The following PSTPIP1 variants were observed in gnomAD, a reference collection of about 807,000 sequenced individuals.
PSTPIP1 encodes the protein proline-serine-threonine phosphatase interacting protein 1.
A neutral mutation model predicts 69.6 loss-of-function variants in PSTPIP1; 66 were observed. The ratio of observed to expected loss-of-function variants is 0.95; its 90% CI spans 0.78 to 1.16. The LOEUF (loss-of-function observed/expected upper bound fraction) is 1.16. PSTPIP1 is among the 50% of genes most tolerant of loss of function. The pLI is 0.00. For synonymous variants in PSTPIP1, 266 were observed against 222.7 expected, an observed-to-expected ratio of 1.19 and a Z score of -1.73; for missense variants, 603 against 557.4, an observed-to-expected ratio of 1.08 and a Z score of -0.82.
At chr15:77,007,063 G>A (rs1568487465) in intron 1 of PSTPIP1, among the ~76,000 whole-genome samples, 1 of 152,182 alleles carries the variant, frequency 6.6e-6, no homozygotes, top group Admixed American at 6.5e-5. Context: ...CCCTGGGCAT[G>A]TGTAGGGAGA....
chr15:77,030,436 C>T, intron 8 of PSTPIP1, 66 bp from the exon 9 acceptor site: 1 of 1,524,484 alleles, frequency 6.6e-7, no homozygotes, highest in Non-Finnish European at 9.0e-7. Flanking sequence ...CAGGATGGGA[C>T]CTGCTGGAGT....
At chr15:77,031,099 G>A (rs528659128) in intron 9 of PSTPIP1, 81 bp from the exon 10 acceptor site, 43 of 1,379,738 alleles carry the variant, frequency 3.1e-5, no homozygotes, top group South Asian at 1.9e-4. Flanking sequence ...GGTCAGCTCC[G>A]GCTGAGCTGT....
At chr15:76,998,103 T>C (rs763691940) in intron 1 of PSTPIP1, among the ~76,000 whole-genome samples, 1 of 152,178 alleles carries the variant, frequency 6.6e-6, no homozygotes, top group Non-Finnish European at 1.5e-5. Context: ...CCAGGCGTGA[T>C]GGCATGCTCC....
chr15:77,018,033 G>A (rs2076085991), intron 1 of PSTPIP1, 115 bp from the exon 2 acceptor site: 10 of 1,042,892 alleles, frequency 9.6e-6, no homozygotes, highest in Middle Eastern at 2.1e-4. Flanking sequence ...CCCTGAGCAG[G>A]GGAGATGGAG....
At chr15:77,025,473 A>G (rs1204247498) in intron 4 of PSTPIP1, 25 bp from the exon 5 acceptor site, 2 of 1,570,586 alleles carry the variant, frequency 1.3e-6, no homozygotes, top group Non-Finnish European at 1.7e-6. Flanking sequence ...GACACTGGGG[A>G]CCAGTATCCA....
intron 1 of PSTPIP1, among the ~76,000 whole-genome samples, chr15:77,005,984 T>C (rs2075807792): frequency 6.6e-6 from 1 of 152,240 alleles, no homozygotes; most frequent in Non-Finnish European, 1.5e-5. Context: ...TGCTTTCAAT[T>C]CTTTTAGATT....
intron 1 of PSTPIP1, among the ~76,000 whole-genome samples, chr15:77,008,915 A>G (rs1172999803): frequency 6.6e-6 from 1 of 151,974 alleles, no homozygotes. Flanking sequence ...GATTTCCCAG[A>G]CTCCAACATA....
intron 3 of PSTPIP1, 138 bp downstream of exon 3, chr15:77,018,669 G>T (rs1411145599): frequency 3.3e-6 from 3 of 923,044 alleles, no homozygotes; most frequent in African/African-American, 3.4e-5. Flanking sequence ...TTGGTGCCTG[G>T]TTATTGGGCA....
intron 1 of PSTPIP1, among the ~76,000 whole-genome samples, chr15:77,010,768 C>G (rs1001726677): frequency 6.6e-6 from 1 of 152,128 alleles, no homozygotes; most frequent in Non-Finnish European, 1.5e-5. Context: ...CTGCCTCACC[C>G]TCCGAGTAGC....
chr15:77,034,579 C>T (rs1265368961), intron 12 of PSTPIP1, among the ~76,000 whole-genome samples: 2 of 152,164 alleles, frequency 1.3e-5, no homozygotes, highest in Non-Finnish European at 2.9e-5. Context: ...CCCCACACAC[C>T]CAAATTGGTC....
At chr15:77,025,688 G>T (rs908820761) in intron 5 of PSTPIP1, 84 bp downstream of exon 5, 24 of 1,174,026 alleles carry the variant, frequency 2.0e-5, no homozygotes, top group Non-Finnish European at 2.9e-5. Flanking sequence ...TGACCTTCCT[G>T]GTAGAGCCAG....
chr15:77,004,454 A>G (rs1596051058), intron 1 of PSTPIP1, among the ~76,000 whole-genome samples: 1 of 152,174 alleles, frequency 6.6e-6, no homozygotes. Flanking sequence ...GGAACGGGAA[A>G]CAGCCACACT....
intron 1 of PSTPIP1, among the ~76,000 whole-genome samples, chr15:77,005,779 A>T (rs1270806836): frequency 6.6e-6 from 1 of 152,194 alleles, no homozygotes; most frequent in African/African-American, 2.4e-5. Flanking sequence ...AGTTAGCATA[A>T]TGTCTTCAAG....
At chr15:77,033,090 C>A in intron 12 of PSTPIP1, 138 bp downstream of exon 12, 1 of 857,178 alleles carries the variant, frequency 1.2e-6, no homozygotes, top group South Asian at 1.7e-5. Context: ...AGGTGCTGGG[C>A]ACTCTGTGGA....
chr15:77,037,374 G>A lies in PSTPIP1; in HGVS notation c.*198G>A. 1 of 637,116 alleles carries A rather than the reference G, an allele frequency of 1.6e-6. No individual in the cohort carries two copies. The highest frequency in any genetic ancestry group is 2.5e-6 in the Non-Finnish European group (1 of 398,632). The allele number at this position is 637,116 out of a possible 1,614,324, so 39.5% of individuals were successfully genotyped here. ...CCCGTTCTCTTTTTCTCCTGCTCCA[G>A]TGTCCGAGTGCTCAGTTCAGAGGAG... On this transcript the variant is annotated 3_prime_UTR_variant, in exon 15 of 15. Coordinates refer to ENST00000558012, the MANE Select transcript of PSTPIP1 (RefSeq NM_003978.5).
intron 1 of PSTPIP1, among the ~76,000 whole-genome samples, chr15:77,009,449 T>A (rs1393352459): frequency 6.6e-6 from 1 of 152,188 alleles, no homozygotes; most frequent in Admixed American, 6.5e-5. Context: ...CTATAAGGGC[T>A]TAGGAGTCCA....
At chr15:77,034,787 TA>T (rs1233182397) in intron 12 of PSTPIP1, among the ~76,000 whole-genome samples, 4 of 152,258 alleles carry the variant, frequency 2.6e-5, no homozygotes, top group African/African-American at 9.6e-5. Context: ...GAGCCCTCAC[TA>T]CTGCCCACTT....
chr15:77,031,243 A>C lies in PSTPIP1; in HGVS notation c.706A>C (p.Asn236His), dbSNP rs2076409227. The C allele has an allele frequency of 6.2e-7, 1 of 1,612,990 alleles. No individual in the cohort carries two copies. The highest frequency in any genetic ancestry group is 8.5e-7 in the Non-Finnish European group (1 of 1,179,662). ...CCGCAACGCCCTGTGGGTGCACAGC[A>C]ACCAGCTCTCCATGCAGTGTGTCAA... Reference protein sequence around the residue: ...ILRNALWVHSNQLSMQCVKDD... With the variant: ...ILRNALWVHSHQLSMQCVKDD... Residue 236 changes from asparagine to histidine, a missense_variant, in exon 10 of 15, where the codon AAC becomes CAC. Physicochemically the swap from Asn to His is moderately conservative, Grantham distance 68. Coordinates refer to ENST00000558012, the MANE Select transcript of PSTPIP1 (RefSeq NM_003978.5).
intron 1 of PSTPIP1, chr15:77,015,755 T>G (rs1596078358): frequency 2.8e-6 from 1 of 358,266 alleles, no homozygotes; most frequent in East Asian, 7.5e-5. Context: ...GGGCGCGGGC[T>G]GGGGGAAGGG....
Sources: allele counts gnomAD v4.1 joint callset (sites outside exome capture counted in the v4.1 genomes callset), GRCh38; gene constraint gnomAD v4.1.1; transcripts MANE v1.5; gene names NCBI Gene and HGNC (gene_info 2026-07-23, HGNC 2026-07-21).